Variants in HIBCH observed in about 807,000 individuals in gnomAD.
HIBCH encodes the protein 3-hydroxyisobutyryl-CoA hydrolase, mitochondrial.
A neutral mutation model predicts 58.2 loss-of-function variants in HIBCH; 50 were observed. The observed-to-expected ratio is 0.86, with a 90% CI of 0.68 to 1.09. The LOEUF is 1.09. HIBCH is among the 50% of genes least tolerant of loss of function. The probability of loss-of-function intolerance (pLI) is 0.00; values close to 1 mark genes in which losing one functional copy is unlikely to be tolerated. For synonymous variants in HIBCH, 151 were observed against 146.9 expected (o/e 1.03, Z -0.20); for missense variants, 450 against 449.7 (o/e 1.00, Z -0.01).
intron 11 of HIBCH, among the ~76,000 whole-genome samples, chr2:190,221,750 C>T (rs1161395543): frequency 6.6e-6 from 1 of 152,106 alleles, no homozygotes; most frequent in Admixed American, 6.5e-5. Flanking sequence ...AGTAGCAAGA[C>T]GACGGAGACT....
intron 1 of HIBCH, among the ~76,000 whole-genome samples, chr2:190,319,368 C>T (rs550081324): frequency 6.6e-6 from 1 of 152,330 alleles, no homozygotes; most frequent in African/African-American, 2.4e-5. Context: ...ACAAAACATG[C>T]CGCACAGTTC....
intron 11 of HIBCH, among the ~76,000 whole-genome samples, chr2:190,227,839 C>G (rs915184161): frequency 2.0e-5 from 3 of 152,026 alleles, no homozygotes; most frequent in Non-Finnish European, 1.5e-5. Flanking sequence ...AAATGTAAAT[C>G]AAAACCACAA....
At position 190,249,634 on chromosome 2, in the gene HIBCH, G is replaced by A; in HGVS notation, c.750+6C>T. 6.6e-7 allele frequency: 1 copy of A among 1,513,996 alleles called. No homozygotes were observed. 93.8% of individuals were successfully genotyped at this position (1,513,996 alleles called of 1,614,324 possible). A position where few individuals can be genotyped will look rare whatever the true frequency, so the allele number is the denominator to read the frequency against. On this transcript the variant is annotated splice_donor_region_variant and intron_variant, in intron 9 of 13. Transcript: ENST00000359678. ...AAACCTGAGGTTAGAATATTAACAA[G>A]ATTACCTCTGTATGGTAATTTTCTA... is the stretch of plus-strand genomic sequence containing the variant.
chr2:190,260,032 T>C (rs1687045736), intron 7 of HIBCH, among the ~76,000 whole-genome samples: 1 of 152,178 alleles, frequency 6.6e-6, no homozygotes, highest in South Asian at 2.1e-4. Context: ...TCACCACTTC[T>C]ATTCAACATT....
chr2:190,252,083 A>G (rs1354777375), intron 8 of HIBCH, 79 bp downstream of exon 8: 1 of 1,360,010 alleles, frequency 7.4e-7, no homozygotes, highest in Non-Finnish European at 1.1e-6. Flanking sequence ...TGTGGCTCTC[A>G]ACCACCCATT....
At chr2:190,191,544 T>A (rs2105874344) in intron 1 of HIBCH, among the ~76,000 whole-genome samples, 1 of 152,322 alleles carries the variant, frequency 6.6e-6, no homozygotes, top group South Asian at 2.1e-4. Flanking sequence ...TCCAACTTTG[T>A]GAGAAACTGC....
intron 3 of HIBCH, among the ~76,000 whole-genome samples, chr2:190,294,858 C>A (rs1688063788): frequency 6.6e-6 from 1 of 152,084 alleles, no homozygotes; most frequent in Non-Finnish European, 1.5e-5. Flanking sequence ...AAAAATGTTG[C>A]TAGATGAGTA....
intron 1 of HIBCH, among the ~76,000 whole-genome samples, chr2:190,198,548 C>A (rs1690084102): frequency 7.1e-6 from 1 of 141,750 alleles, no homozygotes; most frequent in Non-Finnish European, 1.5e-5. Context: ...GGAAGGATCA[C>A]TTGAACCCAG....
chr2:190,301,573 G>A (rs1029922726), intron 2 of HIBCH, among the ~76,000 whole-genome samples: 3 of 152,150 alleles, frequency 2.0e-5, no homozygotes, highest in Non-Finnish European at 2.9e-5. Flanking sequence ...TTGGGGTGGT[G>A]GGTACATGCT....
rs1690412849 is a variant in HIBCH at position 190,207,241 on chromosome 2, G to A, written c.1045+1639C>T. Among the ~76,000 whole-genome samples the A allele has an allele frequency of 6.6e-6, 1 of 152,112 alleles. No homozygotes were observed. Among genetic ancestry groups the A allele is most frequent in the African/African-American group, 2.4e-5 (1 of 41,410 alleles). On this transcript the variant is annotated intron_variant, in intron 13 of 13. Coordinates refer to ENST00000359678, the MANE Select transcript of HIBCH (RefSeq NM_014362.4). The surrounding 1 kb of genome is among the most constrained non-coding windows in gnomAD (Gnocchi z 4.5). ...AAATAACAGTATTTATCTAAAAACA[G>A]TATCTTTCTTTTTAAAGAAGGGCTA...
chr2:190,287,259 G>A (rs559439892), intron 6 of HIBCH, among the ~76,000 whole-genome samples: 523 of 152,102 alleles, frequency 3.4e-3, no homozygotes, highest in African/African-American at 0.012. Context: ...GCAGGGTTTC[G>A]CCATGTAGGC....
chr2:190,308,310 A>AT (rs1448838916), intron 2 of HIBCH, among the ~76,000 whole-genome samples: 1 of 152,144 alleles, frequency 6.6e-6, no homozygotes, highest in Non-Finnish European at 1.5e-5. Flanking sequence ...ACCTCCATGT[A>AT]TAACAGCTGA....
chr2:190,193,595 T>C (rs1689820372), intron 1 of HIBCH, among the ~76,000 whole-genome samples: 1 of 152,178 alleles, frequency 6.6e-6, no homozygotes. Flanking sequence ...TATCATTTTT[T>C]TCTTGTGCCA....
chr2:190,252,818 A>T (rs969470097), intron 7 of HIBCH, among the ~76,000 whole-genome samples: 1 of 152,260 alleles, frequency 6.6e-6, no homozygotes. Context: ...GAACAGGTTT[A>T]TACCTAATAA....
intron 9 of HIBCH, among the ~76,000 whole-genome samples, chr2:190,246,832 G>A (rs566010992): frequency 1.8e-4 from 28 of 152,198 alleles, no homozygotes; most frequent in African/African-American, 5.5e-4. Flanking sequence ...CTTCAAGTAC[G>A]GGACACGTAT....
chr2:190,289,833 T>C (rs1029440144), intron 5 of HIBCH, among the ~76,000 whole-genome samples: 2 of 152,058 alleles, frequency 1.3e-5, no homozygotes, highest in African/African-American at 4.8e-5. Context: ...GGAACCCAAG[T>C]TTTTTCCCCC....
chr2:190,318,165 T>C (rs886227476), intron 1 of HIBCH, among the ~76,000 whole-genome samples: 3 of 151,734 alleles, frequency 2.0e-5, no homozygotes, highest in Non-Finnish European at 4.4e-5. Context: ...ACTGAGGCAT[T>C]CAGAGGGTTG....
Position 190,252,233 on chromosome 2 carries a change from T to C in HIBCH, c.592A>G (p.Thr198Ala). The change falls in exon 8 of 14, where the codon ACA becomes GCA. Residue 198 changes from threonine to alanine, a missense_variant. Coordinates refer to ENST00000359678, the MANE Select transcript of HIBCH (RefSeq NM_014362.4). ...TCTCTTCCTTTTAGTCTGAATCCTG[T>C]TAATGCAAGGAAGTAACCAAGTTTT... ...QGKLGYFLAL[T>A]GFRLKGRDVY... is the part of the protein sequence containing the mutation. 6.2e-7 allele frequency: 1 copy of C among 1,613,574 alleles called. No individual in the cohort carries two copies. The highest frequency in any genetic ancestry group is 8.5e-7 in the Non-Finnish European group (1 of 1,179,524).
chr2:190,300,449 T>G (rs543163314), intron 2 of HIBCH, among the ~76,000 whole-genome samples: 22 of 152,132 alleles, frequency 1.4e-4, no homozygotes, highest in Admixed American at 4.6e-4. Flanking sequence ...AATATGTGGT[T>G]GGCTGCATGT....
Sources: allele counts gnomAD v4.1 joint callset (sites outside exome capture counted in the v4.1 genomes callset), GRCh38; gene constraint gnomAD v4.1.1; non-coding constraint Gnocchi (gnomAD v3.1); transcripts MANE v1.5; gene names NCBI Gene and HGNC (gene_info 2026-07-23, HGNC 2026-07-21).